Variants in CPS1 observed in about 807,000 individuals in gnomAD.
The protein encoded by CPS1 is carbamoyl-phosphate synthase 1.
Under a neutral mutation model 174.6 loss-of-function variants are expected in CPS1, and 109 were observed. The ratio of observed to expected loss-of-function variants is 0.62; its 90% CI spans 0.53 to 0.73. The LOEUF (loss-of-function observed/expected upper bound fraction) is 0.73, where lower values mean the gene tolerates loss of function less well. Among genes scored for constraint, CPS1 ranks in the 30% least tolerant of loss-of-function variants. CPS1 has a pLI of 0.00. For synonymous variants in CPS1, 637 were observed against 632.0 expected (o/e 1.01, Z -0.12); for missense variants, 1,689 against 1,821.9 (o/e 0.93, Z 1.33).
At position 210,594,609 on chromosome 2, in the gene CPS1, C is replaced by T. The variant is rs1212155064; in HGVS notation, c.1263+3C>T. On this transcript the variant is annotated splice_donor_region_variant and intron_variant, in intron 12 of 37. Transcript: ENST00000233072. ...CACTAGTTGCATCTCGGGTTGAGGT[C>T]AGTATGTGGGCTTATTTTTGGTTTA... 6.2e-7 allele frequency: 1 copy of T among 1,603,234 alleles called. No homozygotes were observed. The highest frequency in any genetic ancestry group is 8.5e-7 in the Non-Finnish European group (1 of 1,171,102).
intron 1 of CPS1, among the ~76,000 whole-genome samples, chr2:210,509,951 C>G (rs1244413299): frequency 1.3e-5 from 2 of 152,032 alleles, no homozygotes; most frequent in African/African-American, 4.8e-5. Context: ...GCCATACTGC[C>G]CAAGGTAATT....
chr2:210,536,179 A>T (rs1187154757), intron 1 of CPS1, among the ~76,000 whole-genome samples: 1 of 152,116 alleles, frequency 6.6e-6, no homozygotes, highest in Non-Finnish European at 1.5e-5. Flanking sequence ...CTGCAAAATG[A>T]CTTTATGTAT....
At chr2:210,631,088 G>A (rs1393438506) in intron 21 of CPS1, 1 of 151,312 alleles carries the variant, frequency 6.6e-6, no homozygotes, top group African/African-American at 2.4e-5. Context: ...TAGGCCAGGT[G>A]GAGTGCTCAT....
At chr2:210,497,164 T>C (rs1031564750) in intron 1 of CPS1, among the ~76,000 whole-genome samples, 1 of 152,158 alleles carries the variant, frequency 6.6e-6, no homozygotes, top group African/African-American at 2.4e-5. Context: ...CAGATTTAAA[T>C]TTTTAAAAAA....
intron 1 of CPS1, among the ~76,000 whole-genome samples, chr2:210,499,756 A>C (rs1695095067): frequency 6.6e-6 from 1 of 152,074 alleles, no homozygotes; most frequent in Admixed American, 6.6e-5. Flanking sequence ...TGGAAAGGTG[A>C]GTAGTAGAGG....
chr2:210,535,040 T>C (rs890009173), intron 1 of CPS1, among the ~76,000 whole-genome samples: 1 of 152,344 alleles, frequency 6.6e-6, no homozygotes, highest in East Asian at 1.9e-4. Context: ...CTACACCTCA[T>C]GCCCTAACTC....
At chr2:210,656,351 C>G (rs529204423) in intron 29 of CPS1, among the ~76,000 whole-genome samples, 174 bp from the exon 30 acceptor site, 175 of 152,300 alleles carry the variant, frequency 1.1e-3, no homozygotes, top group African/African-American at 4.1e-3. Flanking sequence ...TACAGGAAAT[C>G]TGTTACTGCA....
chr2:210,606,971 G>T (rs746379867), intron 18 of CPS1, 30 bp downstream of exon 18: 10 of 1,590,720 alleles, frequency 6.3e-6, no homozygotes, highest in Middle Eastern at 1.9e-4. Context: ...CCATGGGTTT[G>T]CAGATTCTTT....
chr2:210,590,871 T>C lies in CPS1; in HGVS notation c.912T>C (p.Ala304=). ...GAAACTTAATAACAGGATTGGCTGC[T>C]GGTGCCAAAACCTACAAGATGTCCA... is the stretch of plus-strand genomic sequence containing the variant. ...STGNLITGLA[A]GAKTYKMSMA... Residue 304 remains alanine (A), a synonymous_variant, in exon 9 of 38, where the codon GCT becomes GCC. Coordinates refer to ENST00000233072, the MANE Select transcript of CPS1 (RefSeq NM_001875.5). 6.2e-7 allele frequency: 1 copy of C among 1,611,422 alleles called. No individual in the cohort carries two copies. The highest frequency in any genetic ancestry group is 8.5e-7 in the Non-Finnish European group (1 of 1,178,280).
chr2:210,554,269 A>ATG (rs542142046), upstream of CPS1, among the ~76,000 whole-genome samples: 72 of 148,930 alleles, frequency 4.8e-4, no homozygotes, highest in African/African-American at 1.8e-3. Flanking sequence ...ATATATATGT[A>ATG]TGTATATATA....
chr2:210,606,070 G>A (rs193232043), intron 17 of CPS1, among the ~76,000 whole-genome samples: 33 of 152,040 alleles, frequency 2.2e-4, no homozygotes, highest in Non-Finnish European at 4.3e-4. Flanking sequence ...GCAAGACCAA[G>A]ACTGATTATT....
chr2:210,608,635 T>C (rs1699008687), intron 19 of CPS1, 76 bp downstream of exon 19: 1 of 1,423,582 alleles, frequency 7.0e-7, no homozygotes, highest in Non-Finnish European at 9.9e-7. Flanking sequence ...TTGACAGTGT[T>C]AAAGTTGCCT....
At chr2:210,492,376 A>AT (rs1316550023) in intron 1 of CPS1, among the ~76,000 whole-genome samples, 1 of 152,208 alleles carries the variant, frequency 6.6e-6, no homozygotes, top group Non-Finnish European at 1.5e-5. Context: ...TAGGTACTGG[A>AT]TAATTTTTCT....
At chr2:210,570,012 T>C (rs915994878) in intron 1 of CPS1, among the ~76,000 whole-genome samples, 5 of 151,982 alleles carry the variant, frequency 3.3e-5, no homozygotes, top group Non-Finnish European at 4.4e-5. Flanking sequence ...TGGAATGAAA[T>C]AGCATTTGGG....
intron 34 of CPS1, chr2:210,673,472 A>G (rs1029212374): frequency 2.6e-5 from 4 of 152,222 alleles, no homozygotes; most frequent in African/African-American, 7.2e-5. Context: ...GTCCTAGGAA[A>G]GACACAGCAA....
At chr2:210,573,251 GT>G in intron 1 of CPS1, 46 bp from the exon 2 acceptor site, 1 of 1,485,880 alleles carries the variant, frequency 6.7e-7, no homozygotes, top group South Asian at 1.1e-5. Flanking sequence ...ATTTTTGTGT[GT>G]TTTGTATTAT....
At chr2:210,478,562 T>C (rs1694470755) in intron 1 of CPS1, among the ~76,000 whole-genome samples, 1 of 152,210 alleles carries the variant, frequency 6.6e-6, no homozygotes, top group African/African-American at 2.4e-5. Context: ...AGATACTTTC[T>C]TTAGTTTGTT....
intron 1 of CPS1, among the ~76,000 whole-genome samples, chr2:210,539,198 G>A: frequency 6.6e-6 from 1 of 152,112 alleles, no homozygotes; most frequent in Admixed American, 6.5e-5. Flanking sequence ...GCTGAAGGGT[G>A]ACATGGGGAA....
At chr2:210,519,174 T>A (rs1265513531) in intron 1 of CPS1, among the ~76,000 whole-genome samples, 1 of 152,078 alleles carries the variant, frequency 6.6e-6, no homozygotes, top group East Asian at 1.9e-4. Context: ...TAATTATTAA[T>A]TTTGCCTTAT....
Sources: allele counts gnomAD v4.1 joint callset (sites outside exome capture counted in the v4.1 genomes callset), GRCh38; gene constraint gnomAD v4.1.1; transcripts MANE v1.5; gene names NCBI Gene and HGNC (gene_info 2026-07-23, HGNC 2026-07-21).